UGT1A10: variants seen among roughly 807,000 people sequenced by gnomAD.
UGT1A10 encodes the protein UDP glucuronosyltransferase family 1 member A10.
UGT1A10 carries 49 observed loss-of-function variants against 45.8 expected under a neutral mutation model. That is an observed-to-expected ratio of 1.07 (90% CI 0.85 to 1.36). UGT1A10 has a LOEUF of 1.36. Ranked by LOEUF, UGT1A10 falls within the 40% of genes most tolerant of loss-of-function variation. The pLI is 0.00. For synonymous variants in UGT1A10, 284 were observed against 249.7 expected (o/e 1.14, Z -1.29); for missense variants, 745 against 668.6 (o/e 1.11, Z -1.26).
intron 1 of UGT1A10, among the ~76,000 whole-genome samples, chr2:233,728,857 A>G (rs1164474909): frequency 6.6e-6 from 1 of 152,224 alleles, no homozygotes; most frequent in Admixed American, 6.5e-5. Flanking sequence ...TGGATGAGAA[A>G]CAAGAGCTTG....
At chr2:233,742,048 G>A (rs1013653818) in intron 1 of UGT1A10, 2 of 151,922 alleles carry the variant, frequency 1.3e-5, no homozygotes, top group Non-Finnish European at 2.9e-5. Context: ...ATAGCAATAG[G>A]ATAGTTCTGT....
intron 1 of UGT1A10, among the ~76,000 whole-genome samples, chr2:233,710,986 G>T (rs2076156562): frequency 6.6e-6 from 1 of 152,224 alleles, no homozygotes; most frequent in Non-Finnish European, 1.5e-5. Flanking sequence ...CAATCATTCA[G>T]ATCAGGCTAT....
rs766605906 is a variant in UGT1A10, at chr2:233,636,689, T to A, written c.167T>A (p.Val56Asp). ...CTTATCCTCAGGGGGCATGAGGTGG[T>A]TGTAGTCATGCCAGAGGTGAGTTGG... Reference protein sequence around the residue: ...EKLILRGHEVVVVMPEVSWQL... With the variant: ...EKLILRGHEVDVVMPEVSWQL... Residue 56 changes from valine to aspartate, a missense_variant, in exon 1 of 5, where the codon GTT becomes GAT. Physicochemically the swap from Val to Asp is radical, Grantham distance 152. Transcript: ENST00000344644. 3.1e-6 allele frequency: 5 copies of A among 1,614,118 alleles called. No homozygotes were observed. Among genetic ancestry groups the A allele is most frequent in the Non-Finnish European group, 4.2e-6 (5 of 1,180,026 alleles).
At chr2:233,651,296 C>T (rs1172657065) in intron 1 of UGT1A10, among the ~76,000 whole-genome samples, 1 of 152,130 alleles carries the variant, frequency 6.6e-6, no homozygotes, top group East Asian at 1.9e-4. Flanking sequence ...CTCACAGGGT[C>T]ACCCAGAGGG....
chr2:233,721,727 T>TA, intron 1 of UGT1A10: 1 of 404,726 alleles, frequency 2.5e-6, no homozygotes, highest in South Asian at 1.9e-5. Flanking sequence ...TTTACTTGGA[T>TA]AAGCTTAATG....
At chr2:233,657,771 A>G (rs764524768) in intron 1 of UGT1A10, among the ~76,000 whole-genome samples, 1 of 152,152 alleles carries the variant, frequency 6.6e-6, no homozygotes, top group Non-Finnish European at 1.5e-5. Context: ...GAGCATCTTT[A>G]TGTGTGACTG....
chr2:233,700,547 G>A (rs949945687), intron 1 of UGT1A10, among the ~76,000 whole-genome samples: 1 of 152,060 alleles, frequency 6.6e-6, no homozygotes. Context: ...ATGAGAATAA[G>A]GGGTTATAAA....
At chr2:233,729,598 G>C (rs775320084) in intron 1 of UGT1A10, 2 of 1,613,984 alleles carry the variant, frequency 1.2e-6, no homozygotes, top group South Asian at 2.2e-5. Flanking sequence ...TAACCTCTGC[G>C]CGGCAGTGCT....
chr2:233,732,744 C>T (rs1207999893), intron 1 of UGT1A10, among the ~76,000 whole-genome samples: 2 of 150,716 alleles, frequency 1.3e-5, no homozygotes, highest in Non-Finnish European at 2.9e-5. Context: ...TAGCATGATG[C>T]CACCAGCTTT....
chr2:233,767,743 A>G (rs543873419), intron 2 of UGT1A10, 106 bp from the exon 3 acceptor site: 2 of 1,585,594 alleles, frequency 1.3e-6, no homozygotes, highest in South Asian at 2.3e-5. Flanking sequence ...CACTCTGTTA[A>G]AGACTGTTCC....
At chr2:233,656,671 G>A (rs2073860239) in intron 1 of UGT1A10, among the ~76,000 whole-genome samples, 1 of 152,126 alleles carries the variant, frequency 6.6e-6, no homozygotes, top group African/African-American at 2.4e-5. Context: ...ACTAAAGTGG[G>A]TCAGTTGTGT....
intron 1 of UGT1A10, among the ~76,000 whole-genome samples, chr2:233,745,757 G>A (rs1464205566): frequency 6.7e-6 from 1 of 150,374 alleles, no homozygotes; most frequent in Admixed American, 6.6e-5. Flanking sequence ...AGCAGAAGGG[G>A]TGGAGAGGAG....
rs1700519300 is a variant in UGT1A10 at position 233,772,417 on chromosome 2, A to G, written c.1451A>G (p.His484Arg). Residue 484 changes from histidine to arginine, a missense_variant, in exon 5 of 5, where the codon CAT (histidine) becomes CGT (arginine). Coordinates refer to ENST00000344644, the MANE Select transcript of UGT1A10 (RefSeq NM_019075.4). ...CACGACCTCACCTGGTACCAGTACCATTCCTTGGACGTGATTGGTTTCCTC... is the reference window on the plus strand; with the variant it reads ...CACGACCTCACCTGGTACCAGTACCGTTCCTTGGACGTGATTGGTTTCCTC... ...AAHDLTWYQYHSLDVIGFLLA... is the reference protein window; with the variant it reads ...AAHDLTWYQYRSLDVIGFLLA... 1.2e-6 allele frequency: 2 copies of G among 1,614,214 alleles called. No individual in the cohort carries two copies. The highest frequency in any genetic ancestry group is 2.7e-5 in the African/African-American group (2 of 75,044).
intron 1 of UGT1A10, among the ~76,000 whole-genome samples, chr2:233,671,520 A>G (rs2074191114): frequency 6.6e-6 from 1 of 152,186 alleles, no homozygotes; most frequent in Admixed American, 6.5e-5. Flanking sequence ...CTCTGGACAG[A>G]GAGTATTTGG....
intron 1 of UGT1A10, among the ~76,000 whole-genome samples, chr2:233,744,313 G>A (rs1203522735): frequency 6.6e-6 from 1 of 151,838 alleles, no homozygotes; most frequent in Non-Finnish European, 1.5e-5. Context: ...GAGGGAAGAG[G>A]GTGGTGGGAG....
intron 1 of UGT1A10, among the ~76,000 whole-genome samples, chr2:233,665,903 C>A (rs973283387): frequency 6.6e-6 from 1 of 152,202 alleles, no homozygotes; most frequent in Non-Finnish European, 1.5e-5. Context: ...CTCCCACCAC[C>A]TGCATATGAG....
At chr2:233,725,856 C>A (rs918476414) in intron 1 of UGT1A10, among the ~76,000 whole-genome samples, 16 of 151,998 alleles carry the variant, frequency 1.1e-4, no homozygotes, top group Non-Finnish European at 2.4e-4. Flanking sequence ...TTTCAATTCC[C>A]CATCTCTTTT....
chr2:233,655,322 G>T (rs565346618), intron 1 of UGT1A10, among the ~76,000 whole-genome samples: 57 of 152,212 alleles, frequency 3.7e-4, no homozygotes, highest in African/African-American at 1.2e-3. Flanking sequence ...ATGCAGGTTT[G>T]CCCAGATTAT....
At chr2:233,673,758 T>C (rs1334070463) in intron 1 of UGT1A10, among the ~76,000 whole-genome samples, 3 of 152,206 alleles carry the variant, frequency 2.0e-5, no homozygotes, top group Non-Finnish European at 4.4e-5. Flanking sequence ...CTATGGGTAA[T>C]TAAGGTTTTG....
Sources: allele counts gnomAD v4.1 joint callset (sites outside exome capture counted in the v4.1 genomes callset), GRCh38; gene constraint gnomAD v4.1.1; transcripts MANE v1.5; gene names NCBI Gene and HGNC (gene_info 2026-07-23, HGNC 2026-07-21).